NKAIN2: variants seen among roughly 807,000 people sequenced by gnomAD.
The protein encoded by NKAIN2 is sodium/potassium-transporting ATPase subunit beta-1-interacting protein 2.
Under a neutral mutation model 32.6 loss-of-function variants are expected in NKAIN2, and 14 were observed. That is an observed-to-expected ratio of 0.43 (90% confidence interval 0.28 to 0.67). The LOEUF is 0.67. Among genes scored for constraint, NKAIN2 ranks in the 30% least tolerant of loss-of-function variants. The probability of loss-of-function intolerance (pLI) is 0.17; values close to 1 mark genes in which losing one functional copy is unlikely to be tolerated. For synonymous variants in NKAIN2, 80 were observed against 87.2 expected, an observed-to-expected ratio of 0.92 and a Z score of 0.46; for missense variants, 198 against 258.3, an observed-to-expected ratio of 0.77 and a Z score of 1.60.
chr6:124,693,749 T>C (rs1284926457), intron 4 of NKAIN2, among the ~76,000 whole-genome samples: 3 of 152,156 alleles, frequency 2.0e-5, no homozygotes, highest in Non-Finnish European at 4.4e-5. Context: ...GGGAGTGTCA[T>C]ACCAGAGGAA....
intron 1 of NKAIN2, among the ~76,000 whole-genome samples, chr6:124,257,672 A>C (rs1794012300): frequency 6.6e-6 from 1 of 152,170 alleles, no homozygotes; most frequent in African/African-American, 2.4e-5. Flanking sequence ...ATGGGTTTGC[A>C]CTTGCATTCC....
intron 2 of NKAIN2, among the ~76,000 whole-genome samples, chr6:124,309,815 T>G (rs1271198432): frequency 6.6e-6 from 1 of 152,086 alleles, no homozygotes; most frequent in African/African-American, 2.4e-5. Flanking sequence ...TTTTATTGAT[T>G]TTACCCCAGA....
At chr6:124,180,385 T>G (rs1192350050) in intron 1 of NKAIN2, among the ~76,000 whole-genome samples, 1 of 151,908 alleles carries the variant, frequency 6.6e-6, no homozygotes, top group East Asian at 1.9e-4. Context: ...CATAAAACAA[T>G]CAGCTCTCCT....
At chr6:124,357,777 C>CT (rs566902565) in intron 3 of NKAIN2, among the ~76,000 whole-genome samples, 106 of 151,654 alleles carry the variant, frequency 7.0e-4, no homozygotes, top group African/African-American at 2.5e-3. Flanking sequence ...TAGAACTTTT[C>CT]TTTTTTTTAT....
At chr6:124,271,244 G>A (rs1217034954) in intron 1 of NKAIN2, among the ~76,000 whole-genome samples, 1 of 152,036 alleles carries the variant, frequency 6.6e-6, no homozygotes, top group Non-Finnish European at 1.5e-5. Context: ...TTGAGACAGA[G>A]TCTTGCTTGT....
chr6:124,003,787 A>G (rs891758355), intron 1 of NKAIN2, among the ~76,000 whole-genome samples: 1 of 152,196 alleles, frequency 6.6e-6, no homozygotes, highest in African/African-American at 2.4e-5. Context: ...GCAGCAAAAC[A>G]GCTGCAGGGG....
chr6:124,605,110 A>G (rs1201145805), intron 3 of NKAIN2, among the ~76,000 whole-genome samples: 1 of 152,082 alleles, frequency 6.6e-6, no homozygotes, highest in African/African-American at 2.4e-5. Context: ...CTTTGTAACA[A>G]TATTTTTAAC....
chr6:124,460,312 A>G lies in NKAIN2; in HGVS notation c.273+104965A>G, dbSNP rs943186011. 4.0e-5 allele frequency among the ~76,000 whole-genome samples: 6 copies of G among 151,746 alleles called. No homozygotes were observed. In the Admixed American group the frequency reaches 4.0e-4, roughly 10 times the overall value. On this transcript the variant is annotated intron_variant, in intron 3 of 6. Transcript: ENST00000368417. ...AATGTTCATTTATTTACATTAATCT[A>G]TAAATTGAATAATGAGGTGGTCACA...
intron 6 of NKAIN2, 114 bp downstream of exon 6, chr6:124,818,582 T>C: frequency 2.1e-6 from 1 of 479,086 alleles, no homozygotes. Context: ...TTTTCCAGTA[T>C]TTTTTCTATT....
chr6:124,083,152 A>G (rs1400245181), intron 1 of NKAIN2, among the ~76,000 whole-genome samples: 1 of 151,958 alleles, frequency 6.6e-6, no homozygotes, highest in Non-Finnish European at 1.5e-5. Flanking sequence ...CTTTTGAATA[A>G]TTTTAAATTA....
intron 3 of NKAIN2, among the ~76,000 whole-genome samples, chr6:124,453,188 C>A (rs1183088195): frequency 6.6e-6 from 1 of 151,856 alleles, no homozygotes; most frequent in Non-Finnish European, 1.5e-5. Context: ...GCTAACAATA[C>A]CATATTTTAT....
chr6:124,040,181 A>G (rs753445891), intron 1 of NKAIN2, among the ~76,000 whole-genome samples: 3 of 151,944 alleles, frequency 2.0e-5, no homozygotes, highest in Non-Finnish European at 4.4e-5. Flanking sequence ...ACTTAGACAT[A>G]TTTTATTATT....
intron 1 of NKAIN2, among the ~76,000 whole-genome samples, chr6:123,808,212 G>A (rs1338006528): frequency 6.6e-6 from 1 of 152,074 alleles, no homozygotes; most frequent in African/African-American, 2.4e-5. Flanking sequence ...AAGTTTGACG[G>A]TTTTTCAGAA....
intron 3 of NKAIN2, among the ~76,000 whole-genome samples, chr6:124,447,669 C>G (rs1432917271): frequency 6.6e-6 from 1 of 152,136 alleles, no homozygotes; most frequent in Non-Finnish European, 1.5e-5. Flanking sequence ...TTGACTTCAG[C>G]TATTTCAAGC....
At chr6:123,822,272 G>T (rs931294580) in intron 1 of NKAIN2, among the ~76,000 whole-genome samples, 7 of 151,252 alleles carry the variant, frequency 4.6e-5, no homozygotes, top group Admixed American at 1.3e-4. Flanking sequence ...TCTTCTCTTT[G>T]CATTTCCTAA....
intron 3 of NKAIN2, among the ~76,000 whole-genome samples, chr6:124,619,781 T>TA (rs1665593760): frequency 6.6e-6 from 1 of 152,194 alleles, no homozygotes; most frequent in South Asian, 2.1e-4. Context: ...CAGTGTCTCC[T>TA]ATTTCCTTTT....
At chr6:124,270,094 G>T (rs972991579) in intron 1 of NKAIN2, among the ~76,000 whole-genome samples, 2 of 152,132 alleles carry the variant, frequency 1.3e-5, no homozygotes, top group African/African-American at 4.8e-5. Flanking sequence ...CAGCATGCAG[G>T]TCACTGTGAC....
At chr6:124,418,870 C>T (rs1422253923) in intron 3 of NKAIN2, among the ~76,000 whole-genome samples, 1 of 151,926 alleles carries the variant, frequency 6.6e-6, no homozygotes, top group Non-Finnish European at 1.5e-5. Flanking sequence ...CAATCTTTTG[C>T]ATATGCGAAT....
chr6:124,088,966 C>T (rs529992303), intron 1 of NKAIN2, among the ~76,000 whole-genome samples: 3 of 152,072 alleles, frequency 2.0e-5, no homozygotes, highest in East Asian at 3.9e-4. Context: ...GTAGATATTA[C>T]CTACAGTTCC....
Sources: gnomAD v4.1 joint callset for allele counts (sites outside exome capture counted in the v4.1 genomes callset) on GRCh38, gnomAD v4.1.1 for gene constraint, MANE v1.5 for transcripts, NCBI Gene and HGNC (gene_info 2026-07-23, HGNC 2026-07-21) for gene names.